Variants in PHC2 observed in about 807,000 individuals in gnomAD.
The protein encoded by PHC2 is polyhomeotic-like protein 2.
PHC2 carries 29 observed loss-of-function variants against 87.4 expected under a neutral mutation model. The ratio of observed to expected loss-of-function variants is 0.33; its 90% CI spans 0.25 to 0.45. The LOEUF (loss-of-function observed/expected upper bound fraction) is 0.45. PHC2 is among the 20% of genes least tolerant of loss of function. The pLI, the probability that PHC2 is intolerant of heterozygous loss-of-function variation, is 1.00. For missense variants in PHC2, 857 were observed against 1,136.7 expected (o/e 0.75, Z 3.54); for synonymous variants, 438 against 461.7 (o/e 0.95, Z 0.66).
chr1:33,389,069 A>T (rs1157640264), intron 1 of PHC2, among the ~76,000 whole-genome samples: 4 of 135,692 alleles, frequency 2.9e-5, no homozygotes, highest in Admixed American at 2.9e-4. Flanking sequence ...TAAAAAAAAA[A>T]AAAAAAGAAA....
chr1:33,325,123 TTC>T, intron 14 of PHC2, 104 bp from the exon 15 acceptor site: 1 of 1,149,346 alleles, frequency 8.7e-7, no homozygotes, highest in Non-Finnish European at 1.2e-6. Flanking sequence ...CATCCATTAT[TTC>T]TTTTAGTCCT....
intron 4 of PHC2, among the ~76,000 whole-genome samples, chr1:33,370,809 C>A (rs1378994551): frequency 6.6e-6 from 1 of 152,166 alleles, no homozygotes; most frequent in African/African-American, 2.4e-5. Context: ...GAGCTATCCA[C>A]AGAGAGCCCT....
intron 4 of PHC2, 37 bp downstream of exon 4, chr1:33,370,980 G>C (rs752453804): frequency 1.9e-6 from 3 of 1,564,556 alleles, no homozygotes; most frequent in African/African-American, 2.7e-5. Context: ...TGGTCCTGGG[G>C]CTGTGGACTC....
intron 9 of PHC2, among the ~76,000 whole-genome samples, chr1:33,343,909 TA>T (rs1366258762): frequency 2.6e-5 from 4 of 152,182 alleles, no homozygotes; most frequent in African/African-American, 9.7e-5. Context: ...GCTTCTGTCC[TA>T]AAGGGCAAAG....
At chr1:33,404,647 G>C (rs1649678912) in intron 1 of PHC2, among the ~76,000 whole-genome samples, 1 of 152,062 alleles carries the variant, frequency 6.6e-6, no homozygotes, top group Non-Finnish European at 1.5e-5. Context: ...ATCAGAAGAT[G>C]GTACTTCAAT....
intron 1 of PHC2, among the ~76,000 whole-genome samples, chr1:33,387,158 C>T (rs1239350048): frequency 6.6e-6 from 1 of 152,174 alleles, no homozygotes; most frequent in Non-Finnish European, 1.5e-5. Flanking sequence ...GTATCTTAGG[C>T]CTACCAGTGG....
rs372222700 is a variant in PHC2 at position 33,332,438 on chromosome 1, C to A, written c.1762-34G>T. The A allele has an allele frequency of 8.4e-5, 135 of 1,613,274 alleles. No homozygotes were observed. Among genetic ancestry groups the A allele is most frequent in the Admixed American group, 2.2e-4 (13 of 59,962 alleles). On this transcript the variant is annotated intron_variant, in intron 10 of 14. Transcript: ENST00000683057. The surrounding 1 kb of genome is among the most constrained non-coding windows in gnomAD (Gnocchi z 4.2). ...CAGGTAACACGGAGGCCGTGAGGGT[C>A]AGGTGGGAGCGGCTTCCTTGCTATC...
Position 33,371,023 on chromosome 1 carries a change from T to G in PHC2, c.405A>C (p.Ser135=), listed in dbSNP as rs776964127. 1 of 1,613,868 alleles carries G rather than the reference T, an allele frequency of 6.2e-7. No individual in the cohort carries two copies. Among genetic ancestry groups the G allele is most frequent in the Non-Finnish European group, 8.5e-7 (1 of 1,179,746 alleles). The change falls in exon 4 of 15, where the codon TCA becomes TCC. Residue 135 remains serine, a synonymous_variant. Transcript: ENST00000683057. ...SNVSAQAPAQ[S]SSINLAASPA... ...GCTCCCCCATTCTACTCACCGAAGA[T>G]GACTGGGCCGGGGCCTGCGCAGACA...
chr1:33,339,729 T>C (rs150575884), intron 9 of PHC2, among the ~76,000 whole-genome samples: 2 of 152,348 alleles, frequency 1.3e-5, no homozygotes, highest in African/African-American at 2.4e-5. Context: ...TTTGTTTTGT[T>C]ATACTGGAAT....
At chr1:33,417,163 A>G (rs979912365) in intron 1 of PHC2, among the ~76,000 whole-genome samples, 17 of 152,050 alleles carry the variant, frequency 1.1e-4, no homozygotes, top group African/African-American at 4.1e-4. Flanking sequence ...AACAAGGACA[A>G]TATGGGGTCA....
At chr1:33,371,316 T>C (rs1647818889) in intron 3 of PHC2, among the ~76,000 whole-genome samples, 1 of 150,538 alleles carries the variant, frequency 6.6e-6, no homozygotes. Context: ...CTGAGAGGAC[T>C]GAATAAGGCA....
chr1:33,346,856 C>A, intron 9 of PHC2: 6 of 985,388 alleles, frequency 6.1e-6, no homozygotes, highest in Non-Finnish European at 6.0e-6. Flanking sequence ...CAAAAAGACA[C>A]CTACGAGCAC....
At chr1:33,395,088 T>G (rs996630248) in intron 1 of PHC2, among the ~76,000 whole-genome samples, 2 of 152,182 alleles carry the variant, frequency 1.3e-5, no homozygotes, top group African/African-American at 4.8e-5. Context: ...CTGTGGTATA[T>G]CCACACAATG....
intron 1 of PHC2, among the ~76,000 whole-genome samples, chr1:33,386,973 G>T (rs1648793350): frequency 6.6e-6 from 1 of 152,232 alleles, no homozygotes; most frequent in South Asian, 2.1e-4. Context: ...TTAAACCGTA[G>T]TATGCTGGCC....
Position 33,324,270 on chromosome 1 carries a change from C to G in PHC2, c.*595G>C, listed in dbSNP as rs908150921. ...CTATCTGTCAGTCCAGGCTCCCACACAGTCACACAGTCATACACACAGCGT... is the reference window on the plus strand; with the variant it reads ...CTATCTGTCAGTCCAGGCTCCCACAGAGTCACACAGTCATACACACAGCGT... On this transcript the variant is annotated 3_prime_UTR_variant, in exon 15 of 15. Coordinates refer to ENST00000683057, the MANE Select transcript of PHC2 (RefSeq NM_001385109.1). The G allele has an allele frequency of 1.3e-5, 2 of 152,774 alleles. No individual in the cohort carries two copies. The highest frequency in any genetic ancestry group is 4.8e-5 in the African/African-American group (2 of 41,458). The allele number at this position is 152,774 out of a possible 1,614,324, so 9.5% of individuals were successfully genotyped here.
intron 1 of PHC2, among the ~76,000 whole-genome samples, chr1:33,426,329 C>T (rs895658870): frequency 1.3e-5 from 2 of 151,650 alleles, no homozygotes; most frequent in Admixed American, 6.6e-5. Flanking sequence ...GGGGGGGGTC[C>T]ATGGTTTGAG....
chr1:33,377,720 TA>T (rs1231898086), intron 1 of PHC2, among the ~76,000 whole-genome samples: 1 of 152,004 alleles, frequency 6.6e-6, no homozygotes, highest in East Asian at 1.9e-4. Flanking sequence ...TTTTTCATAC[TA>T]ATGAGAGCAT....
Position 33,349,838 on chromosome 1 carries a change from C to T in PHC2, c.1558+4563G>A. 2.4e-5 allele frequency: 23 copies of T among 976,114 alleles called. No individual in the cohort carries two copies. The highest frequency in any genetic ancestry group is 2.8e-5 in the Non-Finnish European group (23 of 824,822). The allele number at this position is 976,114 out of a possible 1,614,324, so 60.5% of individuals were successfully genotyped here. The stretch of plus-strand genomic sequence containing the variant: ...GCCGGGGCGGGAGCGCGGGCGGCGG[C>T]CGGGGTTGCGCGCGCGCGCGCGGCG... On this transcript the variant is annotated intron_variant, in intron 9 of 14. Transcript: ENST00000683057. This position sits in a 1 kb window ranked among gnomAD's most constrained non-coding sequence, Gnocchi z 4.2.
intron 12 of PHC2, among the ~76,000 whole-genome samples, chr1:33,330,655 C>T (rs973546092): frequency 1.3e-5 from 2 of 152,154 alleles, no homozygotes; most frequent in Non-Finnish European, 2.9e-5. Context: ...TGCAGAACAC[C>T]TCTGTCTGGG....
Sources: gnomAD v4.1 joint callset for allele counts (sites outside exome capture counted in the v4.1 genomes callset) on GRCh38, gnomAD v4.1.1 for gene constraint, Gnocchi (gnomAD v3.1) non-coding constraint, MANE v1.5 for transcripts, NCBI Gene and HGNC (gene_info 2026-07-23, HGNC 2026-07-21) for gene names.